The following PRIM2 variants were observed in gnomAD, a reference collection of about 807,000 sequenced individuals.
PRIM2 encodes the protein DNA primase large subunit.
PRIM2 carries 39 observed loss-of-function variants against 67.3 expected under a neutral mutation model. The ratio of observed to expected loss-of-function variants is 0.58; its 90% CI spans 0.45 to 0.76. The LOEUF is 0.76. PRIM2 is among the 30% of genes least tolerant of loss of function. The pLI is 0.00. For synonymous variants in PRIM2, 143 were observed against 198.7 expected, an observed-to-expected ratio of 0.72 and a Z score of 2.36; for missense variants, 398 against 598.7, an observed-to-expected ratio of 0.66 and a Z score of 3.50.
the PRIM2 span, among the ~76,000 whole-genome samples, chr6:57,226,097 T>G: frequency 6.6e-6 from 1 of 152,098 alleles, no homozygotes; most frequent in Admixed American, 6.5e-5. Context: ...GAACATTGGG[T>G]ATTCAGTAAT....
chr6:57,450,854 C>A (rs1772521162), intron 7 of PRIM2, among the ~76,000 whole-genome samples: 2 of 152,268 alleles, frequency 1.3e-5, no homozygotes, highest in South Asian at 4.2e-4. Context: ...CTTTATACTT[C>A]ATTCAGTTCA....
the PRIM2 span, among the ~76,000 whole-genome samples, chr6:57,237,697 C>G: frequency 5.9e-5 from 9 of 152,162 alleles, no homozygotes; most frequent in African/African-American, 9.6e-5. Context: ...TCTTGTTTTT[C>G]TCAGGTTTGT....
At chr6:57,579,556 A>T (rs1428592868) in intron 10 of PRIM2, among the ~76,000 whole-genome samples, 1 of 152,124 alleles carries the variant, frequency 6.6e-6, no homozygotes, top group South Asian at 2.1e-4. Context: ...AAATAATTTA[A>T]TCCTTCAGCA....
chr6:57,340,092 A>G (rs901543049), intron 5 of PRIM2, among the ~76,000 whole-genome samples: 55 of 152,298 alleles, frequency 3.6e-4, no homozygotes, highest in Non-Finnish European at 6.6e-4. Context: ...GCAGCCAAAA[A>G]ACACATGAAA....
the PRIM2 span, among the ~76,000 whole-genome samples, chr6:57,291,079 A>G: frequency 6.6e-6 from 1 of 152,200 alleles, no homozygotes; most frequent in African/African-American, 2.4e-5. Flanking sequence ...TTTTGAAAAG[A>G]TCAACAAATA....
chr6:57,634,848 T>G (rs1459973247), intron 13 of PRIM2, among the ~76,000 whole-genome samples: 6 of 152,152 alleles, frequency 3.9e-5, no homozygotes, highest in Non-Finnish European at 5.9e-5. Flanking sequence ...CTAAATCCTT[T>G]CACATATAAA....
At chr6:57,383,327 A>G (rs2127339245) in intron 7 of PRIM2, 1 of 152,128 alleles carries the variant, frequency 6.6e-6, no homozygotes, top group South Asian at 2.1e-4. Context: ...TGTGAAATAG[A>G]CAAATATTTT....
chr6:57,294,467 C>T, the PRIM2 span, among the ~76,000 whole-genome samples: 6 of 151,832 alleles, frequency 4.0e-5, no homozygotes, highest in Non-Finnish European at 5.9e-5. Flanking sequence ...GGCAACAGAG[C>T]GAGACTCCGT....
the PRIM2 span, among the ~76,000 whole-genome samples, chr6:57,235,076 T>G: frequency 6.6e-6 from 1 of 151,906 alleles, no homozygotes; most frequent in Non-Finnish European, 1.5e-5. Flanking sequence ...ACTTAAGCCC[T>G]GGAGGTCAAG....
intron 11 of PRIM2, among the ~76,000 whole-genome samples, chr6:57,602,903 A>T (rs1323771758): frequency 4.6e-5 from 7 of 152,174 alleles, no homozygotes; most frequent in Admixed American, 4.6e-4. Flanking sequence ...GGAAGTTCAG[A>T]GTTCCCATAT....
At chr6:57,614,729 A>C (rs1485327489) in intron 12 of PRIM2, among the ~76,000 whole-genome samples, 3 of 152,264 alleles carry the variant, frequency 2.0e-5, no homozygotes, top group Non-Finnish European at 4.4e-5. Context: ...GGGCGCCTGT[A>C]GTCCCAGCTA....
chr6:57,294,077 C>T, the PRIM2 span, among the ~76,000 whole-genome samples: 1 of 152,094 alleles, frequency 6.6e-6, no homozygotes, highest in African/African-American at 2.4e-5. Context: ...ATGGTATAGT[C>T]ATGCAATGGA....
At chr6:57,271,109 A>C in the PRIM2 span, among the ~76,000 whole-genome samples, 5 of 152,134 alleles carry the variant, frequency 3.3e-5, no homozygotes, top group East Asian at 5.8e-4. Context: ...TTTGTCTCTG[A>C]CAGGCTTTGG....
chr6:57,468,737 C>G (rs1462770057), intron 7 of PRIM2, among the ~76,000 whole-genome samples: 1 of 152,178 alleles, frequency 6.6e-6, no homozygotes, highest in Non-Finnish European at 1.5e-5. Context: ...GTGTATGTCA[C>G]TGACAACTTA....
At chr6:57,367,888 TCA>T (rs1769416195) in intron 5 of PRIM2, among the ~76,000 whole-genome samples, 7 of 152,188 alleles carry the variant, frequency 4.6e-5, no homozygotes, top group African/African-American at 1.7e-4. Context: ...GTCAAAGTAG[TCA>T]CAGGCCAGGC....
At chr6:57,236,941 G>C in the PRIM2 span, among the ~76,000 whole-genome samples, 1 of 152,142 alleles carries the variant, frequency 6.6e-6, no homozygotes, top group Non-Finnish European at 1.5e-5. Flanking sequence ...GTAATGGGAT[G>C]GCTGGGTCAA....
At chr6:57,505,349 G>C (rs1281195422) in intron 7 of PRIM2, 3 of 152,178 alleles carry the variant, frequency 2.0e-5, no homozygotes, top group Non-Finnish European at 4.4e-5. Context: ...GTGGGAAGGG[G>C]AGGTTGGGAA....
At chr6:57,586,019 C>T (rs1243630487) in intron 10 of PRIM2, among the ~76,000 whole-genome samples, 3 of 152,166 alleles carry the variant, frequency 2.0e-5, no homozygotes, top group African/African-American at 7.2e-5. Context: ...TCACCTACAA[C>T]AGAACCTATG....
At chr6:57,605,804 G>A (rs1392861559) in intron 11 of PRIM2, among the ~76,000 whole-genome samples, 27 of 151,924 alleles carry the variant, frequency 1.8e-4, no homozygotes, top group African/African-American at 6.0e-4. Context: ...CATATCCACC[G>A]TAAGTTGTTT....
Sources: gnomAD v4.1 joint callset for allele counts (sites outside exome capture counted in the v4.1 genomes callset) on GRCh38, gnomAD v4.1.1 for gene constraint, MANE v1.5 for transcripts, NCBI Gene and HGNC (gene_info 2026-07-23, HGNC 2026-07-21) for gene names.